Variants in SRD5A2 observed in about 807,000 individuals in gnomAD.
The protein encoded by SRD5A2 is 3-oxo-5-alpha-steroid 4-dehydrogenase 2.
SRD5A2 carries 30 observed loss-of-function variants against 27.4 expected under a neutral mutation model. That is an observed-to-expected ratio of 1.10 (90% CI 0.82 to 1.49). SRD5A2 has a LOEUF of 1.49. SRD5A2 is among the 40% of genes most tolerant of loss of function. The probability of loss-of-function intolerance (pLI) is 0.00; values close to 1 mark genes in which losing one functional copy is unlikely to be tolerated. For missense variants in SRD5A2, 348 were observed against 323.4 expected (o/e 1.08, Z -0.58); for synonymous variants, 141 against 133.6 (o/e 1.06, Z -0.38).
intron 1 of SRD5A2, among the ~76,000 whole-genome samples, chr2:31,562,159 A>G (rs1666637363): frequency 6.6e-6 from 1 of 152,102 alleles, no homozygotes; most frequent in South Asian, 2.1e-4. Flanking sequence ...GCAAAAAGAA[A>G]ATTGTGGTTT....
chr2:31,548,948 A>G (rs1666321108), intron 1 of SRD5A2, among the ~76,000 whole-genome samples: 1 of 152,060 alleles, frequency 6.6e-6, no homozygotes, highest in South Asian at 2.1e-4. Context: ...CCTGAGAGCA[A>G]TGTGCTAAGT....
At chr2:31,583,911 G>C (rs1357393502), upstream of SRD5A2, among the ~76,000 whole-genome samples, 2 of 152,092 alleles carry the variant, frequency 1.3e-5, no homozygotes, top group Non-Finnish European at 2.9e-5. Flanking sequence ...TGGAGTGAGG[G>C]GTCAAGGTGG....
At chr2:31,583,650 AC>A (rs1312476309), upstream of SRD5A2, among the ~76,000 whole-genome samples, 743 of 28,426 alleles carry the variant, frequency 0.026, 28 homozygotes, top group African/African-American at 0.036. Flanking sequence ...CAAAAAAAAA[AC>A]CAAAAAAAAA....
chr2:31,607,167 A>G, the SRD5A2 span, among the ~76,000 whole-genome samples: 1 of 152,062 alleles, frequency 6.6e-6, no homozygotes, highest in African/African-American at 2.4e-5. Flanking sequence ...GATGAAATCC[A>G]ACAGTCAAAT....
the SRD5A2 span, among the ~76,000 whole-genome samples, chr2:31,589,597 G>C: frequency 6.6e-6 from 1 of 152,190 alleles, no homozygotes; most frequent in African/African-American, 2.4e-5. Context: ...GGGGAGCCCA[G>C]GGAAACCATT....
At chr2:31,546,175 A>T (rs538182825) in intron 1 of SRD5A2, among the ~76,000 whole-genome samples, 1 of 144,472 alleles carries the variant, frequency 6.9e-6, no homozygotes, top group Non-Finnish European at 1.5e-5. Context: ...AATTCCAATG[A>T]CTTTTTTTTT....
intron 3 of SRD5A2, 30 bp downstream of exon 3, chr2:31,531,341 G>A (rs761253767): frequency 2.0e-6 from 3 of 1,486,420 alleles, no homozygotes; most frequent in East Asian, 4.8e-5. Flanking sequence ...CCAGGGAAGA[G>A]TGAGAGTCTG....
the SRD5A2 span, among the ~76,000 whole-genome samples, chr2:31,595,118 C>T: frequency 6.6e-6 from 1 of 151,968 alleles, no homozygotes; most frequent in Non-Finnish European, 1.5e-5. Context: ...TGAAAGACCA[C>T]AAATAGACAA....
chr2:31,653,374 G>A, the SRD5A2 span, among the ~76,000 whole-genome samples: 1 of 152,168 alleles, frequency 6.6e-6, no homozygotes, highest in East Asian at 1.9e-4. Context: ...ACACCTTAAG[G>A]TTTTAAGAAT....
At chr2:31,542,429 C>T (rs1294940745) in intron 1 of SRD5A2, among the ~76,000 whole-genome samples, 1 of 152,036 alleles carries the variant, frequency 6.6e-6, no homozygotes, top group Admixed American at 6.6e-5. Flanking sequence ...GAAGGATCAC[C>T]TGAGCCAAGG....
chr2:31,590,800 G>C, the SRD5A2 span, among the ~76,000 whole-genome samples: 1 of 152,130 alleles, frequency 6.6e-6, no homozygotes, highest in East Asian at 1.9e-4. Flanking sequence ...TCTGATCTTT[G>C]ACAAACCTGA....
the SRD5A2 span, among the ~76,000 whole-genome samples, chr2:31,621,481 G>T: frequency 6.6e-6 from 1 of 151,956 alleles, no homozygotes; most frequent in African/African-American, 2.4e-5. Context: ...TGAATATTGC[G>T]CAGTTTGTTT....
chr2:31,559,836 C>CAACACACA (rs70964719), intron 1 of SRD5A2, among the ~76,000 whole-genome samples: 1,490 of 63,722 alleles, frequency 0.023, 34 homozygotes, highest in African/African-American at 0.06. Context: ...GTAAACAAAC[C>CAACACACA]CACACACACA....
chr2:31,539,878 C>T (rs935838198), intron 1 of SRD5A2, among the ~76,000 whole-genome samples: 8 of 152,136 alleles, frequency 5.3e-5, no homozygotes, highest in East Asian at 1.9e-4. Context: ...GGAGCCTCCA[C>T]GTTCAGGTTT....
the SRD5A2 span, among the ~76,000 whole-genome samples, chr2:31,609,226 G>T: frequency 3.3e-5 from 5 of 151,948 alleles, no homozygotes; most frequent in Non-Finnish European, 7.4e-5. Context: ...TATTCAAACT[G>T]ATCTACAGAT....
chr2:31,638,087 ACTG>A, the SRD5A2 span, among the ~76,000 whole-genome samples: 9 of 151,998 alleles, frequency 5.9e-5, no homozygotes, highest in Non-Finnish European at 1.0e-4. Flanking sequence ...CCCTGTTAGT[ACTG>A]CTTTTTCTGT....
chr2:31,528,859 A>G (rs1465380210), intron 4 of SRD5A2, among the ~76,000 whole-genome samples: 2 of 152,350 alleles, frequency 1.3e-5, no homozygotes, highest in East Asian at 3.9e-4. Flanking sequence ...ACTTCCAGAA[A>G]TGTGGTGGGA....
chr2:31,538,171 A>C (rs935384017), intron 1 of SRD5A2, among the ~76,000 whole-genome samples: 2 of 152,162 alleles, frequency 1.3e-5, no homozygotes, highest in Non-Finnish European at 2.9e-5. Context: ...GGATATTTCA[A>C]TTTTAACACA....
the SRD5A2 span, among the ~76,000 whole-genome samples, chr2:31,588,582 G>A: frequency 6.6e-6 from 1 of 152,104 alleles, no homozygotes; most frequent in East Asian, 1.9e-4. Context: ...TAAAAGCTGA[G>A]GAATTTCATC....
Sources: allele counts gnomAD v4.1 joint callset (sites outside exome capture counted in the v4.1 genomes callset), GRCh38; gene constraint gnomAD v4.1.1; transcripts MANE v1.5; gene names NCBI Gene and HGNC (gene_info 2026-07-23, HGNC 2026-07-21).